The following MAML3 variants were observed in gnomAD, a reference collection of about 807,000 sequenced individuals.
MAML3 encodes the protein mastermind-like protein 3.
A neutral mutation model predicts 101.9 loss-of-function variants in MAML3; 27 were observed. That is an observed-to-expected ratio of 0.27 (90% confidence interval 0.20 to 0.37). MAML3 has a LOEUF of 0.37. Ranked by LOEUF, MAML3 falls within the 10% of genes least tolerant of loss-of-function variation. The probability of loss-of-function intolerance (pLI) is 1.00; values close to 1 mark genes in which losing one functional copy is unlikely to be tolerated. For synonymous variants in MAML3, 501 were observed against 555.9 expected (o/e 0.90, Z 1.39); for missense variants, 1,316 against 1,444.9 (o/e 0.91, Z 1.45).
intron 2 of MAML3, among the ~76,000 whole-genome samples, chr4:139,781,939 G>A (rs971594890): frequency 1.3e-5 from 2 of 152,152 alleles, no homozygotes; most frequent in Admixed American, 1.3e-4. Context: ...GTGTCAGTTT[G>A]GTCCAACAGA....
At chr4:139,992,472 T>C (rs182816649) in intron 1 of MAML3, among the ~76,000 whole-genome samples, 1 of 152,278 alleles carries the variant, frequency 6.6e-6, no homozygotes, top group Admixed American at 6.5e-5. Flanking sequence ...CCAACAGTAA[T>C]ATATGAGAAT....
chr4:139,849,491 G>T (rs377525814), intron 2 of MAML3, among the ~76,000 whole-genome samples: 10 of 152,314 alleles, frequency 6.6e-5, no homozygotes, highest in African/African-American at 1.7e-4. Flanking sequence ...TGATAAACAG[G>T]TTAAACTGTG....
At chr4:139,778,257 A>G (rs994239529) in intron 2 of MAML3, among the ~76,000 whole-genome samples, 3 of 152,234 alleles carry the variant, frequency 2.0e-5, no homozygotes, top group Admixed American at 6.5e-5. Context: ...CATGGTTTAT[A>G]CCACCATGGA....
chr4:140,142,965 T>C (rs1728999927), intron 1 of MAML3, among the ~76,000 whole-genome samples: 1 of 152,196 alleles, frequency 6.6e-6, no homozygotes, highest in Non-Finnish European at 1.5e-5. Flanking sequence ...TACCTTAATC[T>C]TATTCCCCAC....
chr4:139,962,349 T>C (rs1483002365), intron 1 of MAML3, among the ~76,000 whole-genome samples: 1 of 152,170 alleles, frequency 6.6e-6, no homozygotes, highest in Admixed American at 6.5e-5. Flanking sequence ...CATTGAAATA[T>C]TTGGTGCCTG....
chr4:140,016,802 G>C (rs868348603), intron 1 of MAML3, among the ~76,000 whole-genome samples: 3 of 152,078 alleles, frequency 2.0e-5, no homozygotes, highest in Non-Finnish European at 4.4e-5. Flanking sequence ...ACCTTATACA[G>C]AAAGTATCTC....
At chr4:139,757,924 G>A (rs1365831921) in intron 2 of MAML3, among the ~76,000 whole-genome samples, 2 of 152,084 alleles carry the variant, frequency 1.3e-5, no homozygotes, top group South Asian at 2.1e-4. Context: ...ACCGTGGCTG[G>A]TCACTTCCTC....
At chr4:139,778,751 G>A (rs985879434) in intron 2 of MAML3, among the ~76,000 whole-genome samples, 9 of 152,084 alleles carry the variant, frequency 5.9e-5, no homozygotes, top group Non-Finnish European at 7.4e-5. Context: ...TTGGGAGGCC[G>A]AGGTGGGTGG....
At chr4:139,748,951 G>C (rs184487825) in intron 2 of MAML3, among the ~76,000 whole-genome samples, 1 of 152,264 alleles carries the variant, frequency 6.6e-6, no homozygotes, top group Admixed American at 6.5e-5. Flanking sequence ...TGCTTCTTTG[G>C]TGAATAGAGT....
At chr4:139,872,187 G>A (rs1355572309) in intron 2 of MAML3, among the ~76,000 whole-genome samples, 1 of 152,046 alleles carries the variant, frequency 6.6e-6, no homozygotes, top group Non-Finnish European at 1.5e-5. Flanking sequence ...AATATAAACG[G>A]GAATCTGTAT....
chr4:140,013,110 G>C (rs1480150114), intron 1 of MAML3, among the ~76,000 whole-genome samples: 4 of 152,130 alleles, frequency 2.6e-5, no homozygotes, highest in Admixed American at 6.5e-5. Context: ...TGAAAATAAA[G>C]AAAGAACTAT....
At chr4:139,998,613 A>G (rs4863717) in intron 1 of MAML3, among the ~76,000 whole-genome samples, 75,911 of 151,990 alleles carry the variant, frequency 0.5, 19,413 homozygotes, top group East Asian at 0.65. Flanking sequence ...TCTTATTCCT[A>G]AGTATGGGTT....
At chr4:140,074,139 A>AG in intron 1 of MAML3, among the ~76,000 whole-genome samples, 2 of 145,500 alleles carry the variant, frequency 1.4e-5, no homozygotes, top group Admixed American at 7.0e-5. Flanking sequence ...AAAGAAAGAA[A>AG]AAGAAAGAAA....
chr4:140,137,058 G>T (rs921211262), intron 1 of MAML3, among the ~76,000 whole-genome samples: 1 of 152,196 alleles, frequency 6.6e-6, no homozygotes, highest in Non-Finnish European at 1.5e-5. Flanking sequence ...GCGCTATCTC[G>T]GCTCACTGCA....
At chr4:139,771,887 G>C (rs1483623712) in intron 2 of MAML3, among the ~76,000 whole-genome samples, 1 of 151,166 alleles carries the variant, frequency 6.6e-6, no homozygotes, top group East Asian at 2.0e-4. Context: ...TGAAGTTTGG[G>C]AATCATTGCT....
At chr4:139,819,662 A>T (rs767804722) in intron 2 of MAML3, among the ~76,000 whole-genome samples, 1 of 152,208 alleles carries the variant, frequency 6.6e-6, no homozygotes, top group African/African-American at 2.4e-5. Flanking sequence ...TAAACGCCCA[A>T]GTGTTCTCAG....
At chr4:139,990,382 G>A (rs941731832) in intron 1 of MAML3, among the ~76,000 whole-genome samples, 17 of 151,670 alleles carry the variant, frequency 1.1e-4, no homozygotes, top group African/African-American at 4.1e-4. Flanking sequence ...AATAAATTAG[G>A]TATTGATGGG....
At chr4:139,838,515 A>AT (rs1421410602) in intron 2 of MAML3, among the ~76,000 whole-genome samples, 4 of 152,068 alleles carry the variant, frequency 2.6e-5, no homozygotes, top group Non-Finnish European at 5.9e-5. Context: ...AAAGCAAGCC[A>AT]TTTTTTCTTA....
chr4:139,819,657 G>A (rs751855582), intron 2 of MAML3, among the ~76,000 whole-genome samples: 6 of 152,092 alleles, frequency 3.9e-5, no homozygotes, highest in Non-Finnish European at 5.9e-5. Context: ...TTTTCTAAAC[G>A]CCCAAGTGTT....
Sources: gnomAD v4.1 joint callset for allele counts (sites outside exome capture counted in the v4.1 genomes callset) on GRCh38, gnomAD v4.1.1 for gene constraint, MANE v1.5 for transcripts, NCBI Gene and HGNC (gene_info 2026-07-23, HGNC 2026-07-21) for gene names.